The following ADCY4 variants were observed in gnomAD, a reference collection of about 807,000 sequenced individuals.
The protein encoded by ADCY4 is adenylate cyclase type 4.
Under a neutral mutation model 125.5 loss-of-function variants are expected in ADCY4, and 111 were observed. That is an observed-to-expected ratio of 0.88 (90% confidence interval 0.76 to 1.04). The LOEUF (loss-of-function observed/expected upper bound fraction) is 1.04, where lower values mean the gene tolerates loss of function less well. Among genes scored for constraint, ADCY4 ranks in the 50% least tolerant of loss-of-function variants. ADCY4 has a pLI of 0.00. For missense variants in ADCY4, 1,256 were observed against 1,382.9 expected (o/e 0.91, Z 1.46); for synonymous variants, 576 against 586.9 (o/e 0.98, Z 0.27).
intron 1 of ADCY4, 110 bp downstream of exon 1, chr14:24,334,384 T>A: frequency 6.9e-7 from 1 of 1,444,726 alleles, no homozygotes; most frequent in South Asian, 1.5e-5. Flanking sequence ...AATGGTCCTT[T>A]CTTTCTCTGC....
At position 24,331,192 on chromosome 14, in the gene ADCY4, C is replaced by A. The variant is rs1566440386; in HGVS notation, c.818+16G>T. 6.2e-7 allele frequency: 1 copy of A among 1,614,030 alleles called. No individual in the cohort carries two copies. Among genetic ancestry groups the A allele is most frequent in the Admixed American group, 1.7e-5 (1 of 60,010 alleles). On this transcript the variant is annotated intron_variant, in intron 5 of 24. Transcript: ENST00000418030. ...TAGCCCACAGGCCCCTCCCCTCCAG[C>A]CATTCTTCCTCATACCTGACTCCCT...
In ADCY4 at chr14:24,331,369, A is replaced by C; in HGVS notation, c.670-13T>G. 6.2e-7 allele frequency: 1 copy of C among 1,613,196 alleles called. No homozygotes were observed. The highest frequency in any genetic ancestry group is 1.3e-5 in the African/African-American group (1 of 75,034). ...AGAGAAGGTGTTCCTGGAAGAGGTC[A>C]CCATGAACACCAACTCTTCTGCACC... On this transcript the variant is annotated splice_polypyrimidine_tract_variant and intron_variant, in intron 4 of 24. Coordinates refer to ENST00000418030, the MANE Select transcript of ADCY4 (RefSeq NM_001198568.2).
At chr14:24,323,198 G>A (rs1041903381) in intron 17 of ADCY4, 110 bp from the exon 18 acceptor site, 4 of 1,419,872 alleles carry the variant, frequency 2.8e-6, no homozygotes, top group Non-Finnish European at 3.9e-6. Context: ...TGGGAGACAG[G>A]GGGCATCATA....
In ADCY4 at chr14:24,319,209, C is replaced by T; in HGVS notation, c.2845G>A (p.Ala949Thr). 6.2e-7 allele frequency: 1 copy of T among 1,614,150 alleles called. No individual in the cohort carries two copies. Among genetic ancestry groups the T allele is most frequent in the Non-Finnish European group, 8.5e-7 (1 of 1,180,008 alleles). Residue 949 changes from alanine to threonine, a missense_variant, in exon 23 of 25, where the codon GCT becomes ACT. Coordinates refer to ENST00000418030, the MANE Select transcript of ADCY4 (RefSeq NM_001198568.2). This position sits in a 1 kb window ranked among gnomAD's most constrained non-coding sequence, Gnocchi z 4.5. ...ATSGQDAQQD[A>T]ERSCSHLGTM... ...CCAAGGTGGCTGCAGCTCCGTTCAG[C>T]ATCCTGGCAATGGGCCCGCCCACCA... is the stretch of plus-strand genomic sequence containing the variant.
chr14:24,322,930 G>C lies in ADCY4; in HGVS notation c.2316C>G (p.Arg772=). The change falls in exon 18 of 25, where the codon CGC becomes CGG. Residue 772 remains arginine (R), a synonymous_variant. Transcript: ENST00000418030. ...HAWLSECLIV[R]LYLGPLDSRP... is the part of the protein sequence containing the mutation. ...TGGAGTCCAAGGGGCCCAGATAGAG[G>C]CGGACGATGAGGCATTCCGACAGCC... is the stretch of plus-strand genomic sequence containing the variant. The C allele has an allele frequency of 1.2e-6, 2 of 1,608,110 alleles. No homozygotes were observed. The highest frequency in any genetic ancestry group is 3.4e-4 in the Middle Eastern group (2 of 5,858).
intron 19 of ADCY4, 159 bp downstream of exon 19, chr14:24,322,465 G>A: frequency 2.2e-6 from 2 of 894,498 alleles, no homozygotes; most frequent in Non-Finnish European, 3.4e-6. Flanking sequence ...AGGGGTGTGG[G>A]AGAAAGGAGG....
chr14:24,326,151 C>G lies in ADCY4; in HGVS notation c.1583G>C (p.Arg528Pro), dbSNP rs771684552. 1.3e-6 allele frequency: 2 copies of G among 1,595,472 alleles called. No individual in the cohort carries two copies. Among genetic ancestry groups the G allele is most frequent in the Non-Finnish European group, 1.7e-6 (2 of 1,168,300 alleles). Residue 528 changes from arginine (R) to proline (P), a missense_variant, in exon 12 of 25, where the codon CGG (arginine) becomes CCG (proline). Coordinates refer to ENST00000418030, the MANE Select transcript of ADCY4 (RefSeq NM_001198568.2). ...GGTGTCCAGTTCATCATCTAGTCCC[C>G]GGGGGGTACGGCTCCTGCACAGTGA... is the stretch of plus-strand genomic sequence containing the variant. ...QWSLDRSRTP[R>P]GLDDELDTGD...
chr14:24,319,684 C>T lies in ADCY4; in HGVS notation c.2733+58G>A, dbSNP rs2041823028. ...CAGAAAAGCAAAGTGGAAGGAGGTA[C>T]TGGTGGAAAATTCTAGAATCTAGGA... On this transcript the variant is annotated intron_variant, in intron 21 of 24. Coordinates refer to ENST00000418030, the MANE Select transcript of ADCY4 (RefSeq NM_001198568.2). The surrounding 1 kb of genome is among the most constrained non-coding windows in gnomAD (Gnocchi z 4.5). 1.9e-6 allele frequency: 3 copies of T among 1,607,748 alleles called. No individual in the cohort carries two copies. Among genetic ancestry groups the T allele is most frequent in the Admixed American group, 1.7e-5 (1 of 59,748 alleles).
Position 24,323,341 on chromosome 14 carries a change from C to T in ADCY4, c.2157+3G>A. The T allele has an allele frequency of 1.9e-6, 3 of 1,549,412 alleles. No individual in the cohort carries two copies. The highest frequency in any genetic ancestry group is 2.4e-5 in the South Asian group (2 of 84,098). On this transcript the variant is annotated splice_donor_region_variant and intron_variant, in intron 17 of 24. Coordinates refer to ENST00000418030, the MANE Select transcript of ADCY4 (RefSeq NM_001198568.2). ...GAGATTAAGGGCATGTGGGAACACTCACTGGGACACTGATGAGAGGCAGAG... is the reference window on the plus strand; with the variant it reads ...GAGATTAAGGGCATGTGGGAACACTTACTGGGACACTGATGAGAGGCAGAG...
At chr14:24,331,693 G>T (rs2042043471) in intron 4 of ADCY4, 95 bp downstream of exon 4, 1 of 1,406,882 alleles carries the variant, frequency 7.1e-7, no homozygotes. Context: ...CAAGAAACCT[G>T]CCCAGAGTCA....
At chr14:24,328,378 G>A (rs940534300) in intron 10 of ADCY4, among the ~76,000 whole-genome samples, 10 of 152,186 alleles carry the variant, frequency 6.6e-5, no homozygotes, top group Non-Finnish European at 1.3e-4. Flanking sequence ...CAGTGGTCAC[G>A]CTCCTAGTCC....
chr14:24,330,410 G>A, intron 6 of ADCY4, 115 bp from the exon 7 acceptor site: 1 of 1,457,868 alleles, frequency 6.9e-7, no homozygotes, highest in South Asian at 1.2e-5. Flanking sequence ...CCAAGGTGGG[G>A]TAGTGTCTAG....
intron 10 of ADCY4, 64 bp downstream of exon 10, chr14:24,328,997 G>T (rs2041996165): frequency 6.4e-7 from 1 of 1,553,154 alleles, no homozygotes; most frequent in African/African-American, 1.4e-5. Context: ...GCTGCCAGTG[G>T]GGCCTGAGGA....
At chr14:24,323,549 G>T (rs2041890195) in intron 16 of ADCY4, 95 bp from the exon 17 acceptor site, 2 of 1,514,124 alleles carry the variant, frequency 1.3e-6, no homozygotes, top group Admixed American at 2.1e-5. Context: ...TGAGTCAGGG[G>T]AAGACTCGTC....
chr14:24,328,799 C>G, intron 10 of ADCY4: 1 of 475,482 alleles, frequency 2.1e-6, no homozygotes, highest in Non-Finnish European at 3.7e-6. Flanking sequence ...CCCACCGACC[C>G]TGTGGGGCTG....
intron 19 of ADCY4, 47 bp downstream of exon 19, chr14:24,322,577 G>T: frequency 6.3e-7 from 1 of 1,584,934 alleles, no homozygotes; most frequent in Non-Finnish European, 8.7e-7. Flanking sequence ...ACAGATATGG[G>T]GGCCACTCAT....
Position 24,324,143 on chromosome 14 carries a change from C to G in ADCY4, c.1965G>C (p.Leu655=), listed in dbSNP as rs780023839. 2 of 1,614,238 alleles carry G rather than the reference C, an allele frequency of 1.2e-6. No homozygotes were observed. The highest frequency in any genetic ancestry group is 1.7e-6 in the Non-Finnish European group (2 of 1,180,040). ...TTCTCAGTCCTGGTCGTGTGGCCAC[C>G]AGGCCAGACAGTGCAGGCAGCCAGT... ...MLHWLPALSG[L]VATRPGLRIA... is the part of the protein sequence containing the mutation. The change falls in exon 16 of 25, where the codon CTG becomes CTC. Residue 655 remains leucine, a synonymous_variant. Transcript: ENST00000418030.
chr14:24,321,504 A>C (rs565943167), intron 20 of ADCY4, among the ~76,000 whole-genome samples: 1 of 152,326 alleles, frequency 6.6e-6, no homozygotes, highest in South Asian at 2.1e-4. Flanking sequence ...TCTTAAAAAA[A>C]AAAAAAAGTA....
At chr14:24,332,397 G>A (rs2042055523) in intron 3 of ADCY4, 125 bp downstream of exon 3, 1 of 1,138,260 alleles carries the variant, frequency 8.8e-7, no homozygotes, top group South Asian at 1.6e-5. Context: ...CGAAAGCACG[G>A]TTGGGTATCC....
Sources: gnomAD v4.1 joint callset for allele counts (sites outside exome capture counted in the v4.1 genomes callset) on GRCh38, gnomAD v4.1.1 for gene constraint, Gnocchi (gnomAD v3.1) non-coding constraint, MANE v1.5 for transcripts, NCBI Gene and HGNC (gene_info 2026-07-23, HGNC 2026-07-21) for gene names.